The following TEAD1 variants were observed in gnomAD, a reference collection of about 807,000 sequenced individuals.
TEAD1 encodes the protein transcriptional enhancer factor TEF-1.
In TEAD1, 9 loss-of-function variants were observed where a neutral mutation model predicts 54.9. The observed-to-expected ratio is 0.16, with a 90% CI of 0.10 to 0.29. The LOEUF (loss-of-function observed/expected upper bound fraction) is 0.29, where lower values mean the gene tolerates loss of function less well. TEAD1 is among the 10% of genes least tolerant of loss of function. The pLI is 1.00. For synonymous variants in TEAD1, 200 were observed against 187.8 expected (o/e 1.07, Z -0.53); for missense variants, 387 against 535.9 (o/e 0.72, Z 2.74).
Position 12,783,098 on chromosome 11 carries a change from TTGTG to T in TEAD1, c.202+18697_202+18700del, listed in dbSNP as rs34564715. On this transcript the variant is annotated intron_variant, in intron 3 of 12. Coordinates refer to ENST00000527636, the MANE Select transcript of TEAD1 (RefSeq NM_021961.6). ...AGAAGTCACTAAACCAGGTAAGGGT[TTGTG>T]TGTGTGTGTGTGTGTGTGTGTGTGT... 3.7e-3 allele frequency among the ~76,000 whole-genome samples: 513 copies of T among 139,312 alleles called. 1 individual carries two copies. Among genetic ancestry groups the T allele is most frequent in the African/African-American group, 6.5e-3 (241 of 36,842 alleles). The allele number at this position is 139,312 out of a possible 152,430, so 91.4% of individuals were successfully genotyped here.
intron 5 of TEAD1, among the ~76,000 whole-genome samples, chr11:12,874,104 C>T (rs998123766): frequency 6.6e-6 from 1 of 152,176 alleles, no homozygotes; most frequent in African/African-American, 2.4e-5. Flanking sequence ...GAAATCATGG[C>T]CCATGAATAA....
chr11:12,828,655 T>G (rs535739476), intron 3 of TEAD1, among the ~76,000 whole-genome samples: 142 of 128,652 alleles, frequency 1.1e-3, no homozygotes, highest in African/African-American at 3.6e-3. Context: ...GGAGTGTGGG[T>G]TTTTTTTTTT....
Position 12,937,325 on chromosome 11 carries a change from C to A in TEAD1, c.*103C>A. 1 of 1,032,268 alleles carries A rather than the reference C, an allele frequency of 9.7e-7. No homozygotes were observed. The highest frequency in any genetic ancestry group is 1.5e-6 in the Non-Finnish European group (1 of 678,448). 63.9% of individuals were successfully genotyped at this position (1,032,268 alleles called of 1,614,324 possible). A position where few individuals can be genotyped will look rare whatever the true frequency, so the allele number is the denominator to read the frequency against. Reference sequence around the variant, plus strand: ...GAACGACTGACTGTAAACCTCACCACACAGGGTGGTGCCCTGGCCCCGAGG... The same window carrying A: ...GAACGACTGACTGTAAACCTCACCAAACAGGGTGGTGCCCTGGCCCCGAGG... On this transcript the variant is annotated 3_prime_UTR_variant, in exon 13 of 13. Transcript: ENST00000527636.
At chr11:12,820,431 C>T (rs755727981) in intron 3 of TEAD1, among the ~76,000 whole-genome samples, 2 of 148,496 alleles carry the variant, frequency 1.3e-5, no homozygotes, top group African/African-American at 2.5e-5. Flanking sequence ...TTCTTCTTCT[C>T]TCATCCCCAA....
chr11:12,786,290 G>A (rs1350056403), intron 3 of TEAD1, among the ~76,000 whole-genome samples: 1 of 152,158 alleles, frequency 6.6e-6, no homozygotes, highest in Non-Finnish European at 1.5e-5. Context: ...TCTATCTAAA[G>A]CTGGCAGAAC....
intron 3 of TEAD1, among the ~76,000 whole-genome samples, chr11:12,780,242 ATT>A (rs200775672): frequency 1.4e-4 from 19 of 140,356 alleles, no homozygotes; most frequent in Admixed American, 3.5e-4. Context: ...TCAATTGTAA[ATT>A]TTTTTTTTTT....
chr11:12,712,689 A>G (rs985653878), intron 2 of TEAD1, among the ~76,000 whole-genome samples: 2 of 152,220 alleles, frequency 1.3e-5, no homozygotes, highest in Non-Finnish European at 2.9e-5. Context: ...CTTGGGAAAT[A>G]TATCAATCAC....
intron 9 of TEAD1, among the ~76,000 whole-genome samples, chr11:12,895,163 A>G (rs1282557895): frequency 6.6e-6 from 1 of 152,100 alleles, no homozygotes; most frequent in African/African-American, 2.4e-5. Context: ...AGTGACCCAT[A>G]GAGCAGCTTT....
chr11:12,927,694 G>A (rs1174920645), intron 11 of TEAD1, among the ~76,000 whole-genome samples: 1 of 151,858 alleles, frequency 6.6e-6, no homozygotes, highest in East Asian at 1.9e-4. Flanking sequence ...TTCATTTTAT[G>A]TATTTCAATA....
At chr11:12,936,835 A>G (rs1347660589) in intron 12 of TEAD1, among the ~76,000 whole-genome samples, 1 of 152,210 alleles carries the variant, frequency 6.6e-6, no homozygotes, top group Non-Finnish European at 1.5e-5. Context: ...AAAAACAAAA[A>G]CACAAATGTG....
chr11:12,846,017 G>A (rs1381193443), intron 3 of TEAD1, among the ~76,000 whole-genome samples: 8 of 152,218 alleles, frequency 5.3e-5, no homozygotes, highest in Admixed American at 3.9e-4. Flanking sequence ...TGCGAATCAG[G>A]CCACACCATG....
chr11:12,721,568 C>T (rs1357172667), intron 2 of TEAD1, among the ~76,000 whole-genome samples: 1 of 152,176 alleles, frequency 6.6e-6, no homozygotes, highest in Non-Finnish European at 1.5e-5. Context: ...TCTCTGTCAG[C>T]TCACTCATTC....
At chr11:12,703,224 G>T (rs1729963614) in intron 2 of TEAD1, among the ~76,000 whole-genome samples, 1 of 152,256 alleles carries the variant, frequency 6.6e-6, no homozygotes, top group South Asian at 2.1e-4. Context: ...TAAATGTGCT[G>T]CCCTACTCAT....
At chr11:12,745,088 G>A (rs1590107556) in intron 2 of TEAD1, among the ~76,000 whole-genome samples, 1 of 152,214 alleles carries the variant, frequency 6.6e-6, no homozygotes, top group Non-Finnish European at 1.5e-5. Flanking sequence ...AGCTCCCTGG[G>A]AGACACTGCT....
chr11:12,702,197 T>TTC (rs1464220394), intron 2 of TEAD1, among the ~76,000 whole-genome samples: 2 of 152,216 alleles, frequency 1.3e-5, no homozygotes, highest in African/African-American at 4.8e-5. Context: ...CCTCTCTGCA[T>TTC]TCAACCCTTG....
intron 3 of TEAD1, among the ~76,000 whole-genome samples, chr11:12,799,437 T>G (rs1033968673): frequency 1.2e-4 from 19 of 152,230 alleles, no homozygotes; most frequent in African/African-American, 4.6e-4. Flanking sequence ...CTATAAATCA[T>G]TCTGGTTTCT....
intron 3 of TEAD1, among the ~76,000 whole-genome samples, chr11:12,774,453 T>C (rs967623481): frequency 2.0e-5 from 3 of 152,104 alleles, no homozygotes; most frequent in Non-Finnish European, 4.4e-5. Flanking sequence ...AAGATGTTGA[T>C]AGAGTGTAAG....
At chr11:12,682,088 C>T (rs1016666626) in intron 2 of TEAD1, among the ~76,000 whole-genome samples, 1 of 152,226 alleles carries the variant, frequency 6.6e-6, no homozygotes, top group African/African-American at 2.4e-5. Flanking sequence ...CCGCTCCTGG[C>T]TGGGAACCAT....
chr11:12,800,644 G>T (rs1363807498), intron 3 of TEAD1, among the ~76,000 whole-genome samples: 3 of 152,168 alleles, frequency 2.0e-5, no homozygotes, highest in Non-Finnish European at 4.4e-5. Flanking sequence ...GGGACTGTAG[G>T]GAATGCAATG....
Sources: allele counts gnomAD v4.1 joint callset (sites outside exome capture counted in the v4.1 genomes callset), GRCh38; gene constraint gnomAD v4.1.1; transcripts MANE v1.5; gene names NCBI Gene and HGNC (gene_info 2026-07-23, HGNC 2026-07-21).